IKZF2: variants seen among roughly 807,000 people sequenced by gnomAD.
The protein encoded by IKZF2 is zinc finger protein Helios.
IKZF2 carries 15 observed loss-of-function variants against 49.2 expected under a neutral mutation model. That is an observed-to-expected ratio of 0.30 (90% CI 0.20 to 0.47). IKZF2 has a LOEUF of 0.47. Among genes scored for constraint, IKZF2 ranks in the 20% least tolerant of loss-of-function variants. IKZF2 has a pLI of 1.00. For missense variants in IKZF2, 567 were observed against 664.6 expected (o/e 0.85, Z 1.61); for synonymous variants, 227 against 221.4 (o/e 1.03, Z -0.23).
intron 3 of IKZF2, 75 bp from the exon 4 acceptor site, chr2:213,147,887 C>A: frequency 9.8e-7 from 1 of 1,022,672 alleles, no homozygotes; most frequent in Non-Finnish European, 1.5e-6. Flanking sequence ...TTGCTTTATA[C>A]ACGCAATGGC....
chr2:213,022,497 GT>G (rs5838364), intron 6 of IKZF2, among the ~76,000 whole-genome samples: 1 of 151,054 alleles, frequency 6.6e-6, no homozygotes, highest in South Asian at 2.1e-4. Flanking sequence ...AAGAGTTGTG[GT>G]TTTTTTTTGT....
chr2:213,015,444 T>C (rs993491046), intron 7 of IKZF2, among the ~76,000 whole-genome samples: 12 of 152,026 alleles, frequency 7.9e-5, no homozygotes, highest in Non-Finnish European at 1.3e-4. Context: ...TCCCAAGATA[T>C]TATGTATAAA....
chr2:213,070,290 T>C (rs911168457), intron 4 of IKZF2, among the ~76,000 whole-genome samples: 1 of 152,156 alleles, frequency 6.6e-6, no homozygotes, highest in African/African-American at 2.4e-5. Context: ...TATTAAGAGA[T>C]CAAGTTAAGC....
intron 6 of IKZF2, among the ~76,000 whole-genome samples, chr2:213,047,705 T>C (rs1276374934): frequency 6.6e-6 from 1 of 152,036 alleles, no homozygotes; most frequent in Non-Finnish European, 1.5e-5. Flanking sequence ...CCAGAATGAT[T>C]TGGAGCTGTT....
intron 4 of IKZF2, among the ~76,000 whole-genome samples, chr2:213,136,357 C>A (rs192397171): frequency 2.2e-4 from 23 of 102,752 alleles, no homozygotes; most frequent in African/African-American, 8.6e-4. Context: ...GGTGACAGAG[C>A]GGGACACTGT....
intron 4 of IKZF2, among the ~76,000 whole-genome samples, chr2:213,131,460 T>G (rs922195973): frequency 1.3e-5 from 2 of 152,212 alleles, no homozygotes; most frequent in Non-Finnish European, 2.9e-5. Context: ...CACTAACTTT[T>G]AAATTGTATC....
chr2:213,105,327 C>T (rs990211804), intron 4 of IKZF2, among the ~76,000 whole-genome samples: 2 of 152,074 alleles, frequency 1.3e-5, no homozygotes, highest in Non-Finnish European at 2.9e-5. Context: ...TCCTTTCCAA[C>T]TGTTCCCAAA....
chr2:213,115,565 C>G (rs1176672251), intron 4 of IKZF2, among the ~76,000 whole-genome samples: 1 of 152,178 alleles, frequency 6.6e-6, no homozygotes, highest in Non-Finnish European at 1.5e-5. Flanking sequence ...ATCCACATAT[C>G]TCCTGAATTA....
At chr2:213,109,239 GAC>G (rs1232116370) in intron 4 of IKZF2, among the ~76,000 whole-genome samples, 3 of 151,962 alleles carry the variant, frequency 2.0e-5, no homozygotes, top group Admixed American at 2.0e-4. Context: ...CATGCAAGCA[GAC>G]ACAAAATTAT....
chr2:213,039,457 A>G (rs1234293974), intron 6 of IKZF2, among the ~76,000 whole-genome samples: 1 of 152,126 alleles, frequency 6.6e-6, no homozygotes, highest in African/African-American at 2.4e-5. Flanking sequence ...TTTATGGAAC[A>G]GAATAGCTTT....
intron 4 of IKZF2, among the ~76,000 whole-genome samples, chr2:213,074,938 G>C (rs903559542): frequency 6.6e-6 from 1 of 152,030 alleles, no homozygotes; most frequent in Non-Finnish European, 1.5e-5. Flanking sequence ...CTGAAAAGGC[G>C]GTTTGTTTTC....
chr2:213,138,633 C>G (rs1453172373), intron 4 of IKZF2, among the ~76,000 whole-genome samples: 1 of 151,964 alleles, frequency 6.6e-6, no homozygotes, highest in African/African-American at 2.4e-5. Context: ...ACCATTTTCC[C>G]CAAAGATTCA....
intron 4 of IKZF2, among the ~76,000 whole-genome samples, chr2:213,128,563 C>T (rs1321071109): frequency 1.3e-5 from 2 of 152,058 alleles, no homozygotes; most frequent in African/African-American, 2.4e-5. Flanking sequence ...CACCCCAAAA[C>T]ATAAGAGTGT....
chr2:213,103,370 T>C lies in IKZF2; in HGVS notation c.139+44338A>G, dbSNP rs893917110. 5.3e-5 allele frequency among the ~76,000 whole-genome samples: 8 copies of C among 152,108 alleles called. No homozygotes were observed. In the East Asian group the frequency reaches 1.3e-3, roughly 26 times the overall value. On this transcript the variant is annotated intron_variant, in intron 4 of 8. Coordinates refer to ENST00000434687, the MANE Select transcript of IKZF2 (RefSeq NM_001387220.1). ...AGCTTAATAAACAATCACAAAAGGA[T>C]AATAAAAAGTATTATATGAATACTT...
intron 4 of IKZF2, among the ~76,000 whole-genome samples, chr2:213,088,720 T>C (rs150848977): frequency 0.017 from 2,641 of 152,286 alleles, 38 homozygotes; most frequent in South Asian, 0.034. Context: ...ATTGCGCCAC[T>C]GCACTCCAGT....
chr2:213,129,657 T>C (rs918970207), intron 4 of IKZF2, among the ~76,000 whole-genome samples: 4 of 152,242 alleles, frequency 2.6e-5, no homozygotes, highest in Admixed American at 6.5e-5. Flanking sequence ...TGAATTGTTA[T>C]GATCTGATTT....
intron 8 of IKZF2, 88 bp downstream of exon 8, chr2:213,013,703 C>T (rs111729590): frequency 8.4e-6 from 10 of 1,195,004 alleles, no homozygotes; most frequent in Non-Finnish European, 1.1e-5. Flanking sequence ...TGAACTGAAA[C>T]ACACCATATA....
intron 6 of IKZF2, among the ~76,000 whole-genome samples, chr2:213,039,585 G>A (rs1699412177): frequency 1.3e-5 from 2 of 152,036 alleles, no homozygotes; most frequent in African/African-American, 4.8e-5. Flanking sequence ...AAGTAAGATA[G>A]ATACATGTTC....
Position 213,007,306 on chromosome 2 carries a change from T to A in IKZF2, c.*54A>T. On this transcript the variant is annotated 3_prime_UTR_variant, in exon 9 of 9. Coordinates refer to ENST00000434687, the MANE Select transcript of IKZF2 (RefSeq NM_001387220.1). ...GAAAGGTGGGATTGTAAGTGCAGTA[T>A]TTCTTCATGTGCAGTTCTTTACTTC... is the stretch of plus-strand genomic sequence containing the variant. The A allele has an allele frequency of 6.5e-7, 1 of 1,548,134 alleles. No individual in the cohort carries two copies. Among genetic ancestry groups the A allele is most frequent in the Non-Finnish European group, 8.7e-7 (1 of 1,146,282 alleles).
Sources: allele counts gnomAD v4.1 joint callset (sites outside exome capture counted in the v4.1 genomes callset), GRCh38; gene constraint gnomAD v4.1.1; transcripts MANE v1.5; gene names NCBI Gene and HGNC (gene_info 2026-07-23, HGNC 2026-07-21).